RRP1B: variants seen among roughly 807,000 people sequenced by gnomAD.
The protein encoded by RRP1B is ribosomal RNA processing protein 1 homolog B.
In RRP1B, 56 loss-of-function variants were observed where a neutral mutation model predicts 80.2. The observed-to-expected ratio is 0.70, with a 90% CI of 0.56 to 0.87. The LOEUF is 0.87. Ranked by LOEUF, RRP1B falls within the 40% of genes least tolerant of loss-of-function variation. RRP1B has a pLI of 0.00. For missense variants in RRP1B, 807 were observed against 939.8 expected, an observed-to-expected ratio of 0.86 and a Z score of 1.85; for synonymous variants, 351 against 357.6, an observed-to-expected ratio of 0.98 and a Z score of 0.21.
chr21:43,685,411 C>A (rs1178247807), intron 10 of RRP1B, among the ~76,000 whole-genome samples: 2 of 152,210 alleles, frequency 1.3e-5, no homozygotes, highest in Non-Finnish European at 2.9e-5. Flanking sequence ...CCTTTCTCCA[C>A]TGGAGAATTG....
intron 14 of RRP1B, among the ~76,000 whole-genome samples, chr21:43,690,749 G>A (rs139342793): frequency 6.6e-6 from 1 of 152,346 alleles, no homozygotes; most frequent in African/African-American, 2.4e-5. Flanking sequence ...AACACAAGTG[G>A]TGCAAGTCAG....
Position 43,659,629 on chromosome 21 carries a change from G to C in RRP1B, c.-36G>C. The C allele has an allele frequency of 6.9e-7, 1 of 1,441,216 alleles. No homozygotes were observed. Among genetic ancestry groups the C allele is most frequent in the East Asian group, 3.0e-5 (1 of 33,444 alleles). The allele number at this position is 1,441,216 out of a possible 1,614,324, so 89.3% of individuals were successfully genotyped here. ...GCGCTCGGCTGGCTGCAGCGGCACCGCGGGTTGCGCGGCCGGGGATGCTCC... is the reference window on the plus strand; with the variant it reads ...GCGCTCGGCTGGCTGCAGCGGCACCCCGGGTTGCGCGGCCGGGGATGCTCC... On this transcript the variant is annotated 5_prime_UTR_variant, in exon 1 of 16. Transcript: ENST00000340648. The surrounding 1 kb of genome is among the most constrained non-coding windows in gnomAD (Gnocchi z 4.2).
chr21:43,690,429 C>T lies in RRP1B; in HGVS notation c.2008C>T (p.Pro670Ser), dbSNP rs376540605. 1 of 1,614,050 alleles carries T rather than the reference C, an allele frequency of 6.2e-7. No individual in the cohort carries two copies. The highest frequency in any genetic ancestry group is 8.5e-7 in the Non-Finnish European group (1 of 1,179,982). ...KSSTATHPPG[P>S]AVQLNKTPSS... ...CAGCACTGCCACCCACCCTCCAGGC[C>T]CTGCCGTCCAGGTACGCACCCTCCC... The change falls in exon 14 of 16, where the codon CCT (proline) becomes TCT (serine). Residue 670 changes from proline (P) to serine (S), a missense_variant. Physicochemically the swap from Pro to Ser is moderately conservative, Grantham distance 74 (BLOSUM62 -1). Transcript: ENST00000340648.
intron 1 of RRP1B, among the ~76,000 whole-genome samples, chr21:43,667,412 G>GGTGT (rs72166295): frequency 1.6e-4 from 24 of 151,032 alleles, no homozygotes; most frequent in African/African-American, 4.8e-4. Flanking sequence ...TTTTGTTGTT[G>GGTGT]GTGTGTGTGT....
chr21:43,677,911 G>A (rs2083028873), intron 8 of RRP1B, among the ~76,000 whole-genome samples: 1 of 152,182 alleles, frequency 6.6e-6, no homozygotes. Context: ...TTGGTCAATG[G>A]GCATTCAGGC....
intron 6 of RRP1B, 100 bp from the exon 7 acceptor site, chr21:43,676,172 C>G: frequency 1.2e-6 from 1 of 856,280 alleles, no homozygotes; most frequent in Admixed American, 2.2e-5. Context: ...ATTGCTTGGT[C>G]TAACTCCACC....
At chr21:43,679,658 A>G (rs2083035771) in intron 8 of RRP1B, among the ~76,000 whole-genome samples, 1 of 152,078 alleles carries the variant, frequency 6.6e-6, no homozygotes, top group Non-Finnish European at 1.5e-5. Context: ...TGTTTTTTCT[A>G]GTTCTGTGAA....
intron 3 of RRP1B, 26 bp downstream of exon 3, chr21:43,672,391 C>T: frequency 6.2e-7 from 1 of 1,602,276 alleles, no homozygotes; most frequent in Non-Finnish European, 8.6e-7. Flanking sequence ...TCTTCTCCTT[C>T]CTTCCAAGTT....
rs780899285 is a variant in RRP1B, at chr21:43,687,773, C to A, written c.1399C>A (p.Pro467Thr). ...TGGCTCCGAGCATCCTCCAGCCGTC[C>A]CCATGCACAATAAAAGGAAACGGCC... ...ESGSEHPPAV[P>T]MHNKRKRPRK... The change falls in exon 13 of 16, where the codon CCC becomes ACC. Residue 467 changes from proline to threonine, a missense_variant. Transcript: ENST00000340648. 4.3e-6 allele frequency: 7 copies of A among 1,613,178 alleles called. No individual in the cohort carries two copies. The highest frequency in any genetic ancestry group is 5.9e-6 in the Non-Finnish European group (7 of 1,180,026).
At chr21:43,670,046 T>A in intron 2 of RRP1B, 80 bp downstream of exon 2, 2 of 1,006,964 alleles carry the variant, frequency 2.0e-6, no homozygotes, top group Admixed American at 2.1e-5. Context: ...GCTGTGCCAG[T>A]CCCCCGATAC....
At position 43,684,640 on chromosome 21, in the gene RRP1B, C is replaced by A. The variant is rs751374454; in HGVS notation, c.979C>A (p.Leu327Ile). Residue 327 changes from leucine to isoleucine, a missense_variant, in exon 10 of 16, where the codon CTC (leucine) becomes ATC (isoleucine). Physicochemically the swap from Leu to Ile is conservative, Grantham distance 5. Coordinates refer to ENST00000340648, the MANE Select transcript of RRP1B (RefSeq NM_015056.3). ...CTTCAACAGGAAGCGCCTCTCCAAA[C>A]TCATCAAGAAGTCAGTAACTGGGGA... ...PHFNRKRLSK[L>I]IKKFQDLSEG... The A allele has an allele frequency of 1.9e-6, 3 of 1,613,830 alleles. No individual in the cohort carries two copies. Among genetic ancestry groups the A allele is most frequent in the Non-Finnish European group, 2.5e-6 (3 of 1,179,810 alleles).
chr21:43,689,161 C>A (rs906288939), intron 13 of RRP1B, among the ~76,000 whole-genome samples: 3 of 152,260 alleles, frequency 2.0e-5, no homozygotes, highest in Non-Finnish European at 4.4e-5. Flanking sequence ...AGAGCCACAT[C>A]CACTTGTATG....
intron 10 of RRP1B, among the ~76,000 whole-genome samples, chr21:43,684,987 G>A (rs1304739322): frequency 6.6e-5 from 10 of 152,030 alleles, no homozygotes; most frequent in Non-Finnish European, 4.4e-5. Flanking sequence ...AGATAGATAG[G>A]GTTAATTCTT....
At position 43,695,553 on chromosome 21, in the gene RRP1B, C is replaced by G. The variant is rs890799799; in HGVS notation, c.*2170C>G. 1 of 152,130 alleles carries G rather than the reference C, an allele frequency of 6.6e-6. No homozygotes were observed. The highest frequency in any genetic ancestry group is 1.5e-5 in the Non-Finnish European group (1 of 68,026). 9.4% of individuals were successfully genotyped at this position (152,130 alleles called of 1,614,324 possible). ...GGTTTACAGTCCCTTATTTTTAATG[C>G]CTAAGTTTTGACAGCAGGAAGAAAA... On this transcript the variant is annotated 3_prime_UTR_variant, in exon 16 of 16. Transcript: ENST00000340648.
intron 13 of RRP1B, among the ~76,000 whole-genome samples, chr21:43,688,936 C>G (rs1157016972): frequency 6.6e-6 from 1 of 152,242 alleles, no homozygotes; most frequent in African/African-American, 2.4e-5. Context: ...ATTACAGATA[C>G]ACATCACCAT....
At chr21:43,667,246 A>T (rs9982658) in intron 1 of RRP1B, among the ~76,000 whole-genome samples, 12,811 of 151,216 alleles carry the variant, frequency 0.085, 1,802 homozygotes, top group African/African-American at 0.29. Context: ...TGTTTGTTTG[A>T]GAGACAGAGT....
chr21:43,690,618 T>C (rs1047432527), intron 14 of RRP1B, among the ~76,000 whole-genome samples, 178 bp downstream of exon 14: 1 of 152,186 alleles, frequency 6.6e-6, no homozygotes, highest in East Asian at 1.9e-4. Flanking sequence ...GGACCCACCC[T>C]GAGGGATCAC....
At chr21:43,685,058 G>A (rs2083057875) in intron 10 of RRP1B, among the ~76,000 whole-genome samples, 2 of 152,166 alleles carry the variant, frequency 1.3e-5, no homozygotes, top group South Asian at 4.1e-4. Flanking sequence ...AGCTGTCAGT[G>A]TTGATGTCAC....
rs558238649 is a variant in RRP1B, at chr21:43,677,289, G to C, written c.796+375G>C. ...TCTACGGGTTACTCGAGGGACGTAC[G>C]CTTGTTTCTGTGGCTGTCCTTTCTC... On this transcript the variant is annotated intron_variant, in intron 8 of 15. Transcript: ENST00000340648. 1.5e-3 allele frequency among the ~76,000 whole-genome samples: 234 copies of C among 152,324 alleles called. 2 individuals carry two copies. The highest frequency in any genetic ancestry group is 5.4e-3 in the African/African-American group (223 of 41,580).
Sources: allele counts gnomAD v4.1 joint callset (sites outside exome capture counted in the v4.1 genomes callset), GRCh38; gene constraint gnomAD v4.1.1; non-coding constraint Gnocchi (gnomAD v3.1); transcripts MANE v1.5; gene names NCBI Gene and HGNC (gene_info 2026-07-23, HGNC 2026-07-21).